The following SYCP1 variants were observed in gnomAD, a reference collection of about 807,000 sequenced individuals.
The protein encoded by SYCP1 is cancer/testis antigen 8.
A neutral mutation model predicts 153.1 loss-of-function variants in SYCP1; 64 were observed. The observed-to-expected ratio is 0.42, with a 90% CI of 0.34 to 0.51. SYCP1 has a LOEUF of 0.51. Ranked by LOEUF, SYCP1 falls within the 20% of genes least tolerant of loss-of-function variation. The pLI is 0.06. For missense variants in SYCP1, 997 were observed against 1,049.0 expected (o/e 0.95, Z 0.68); for synonymous variants, 384 against 341.8 (o/e 1.12, Z -1.36).
At chr1:114,926,155 G>A (rs947266505) in intron 21 of SYCP1, 123 bp from the exon 22 acceptor site, 3 of 647,778 alleles carry the variant, frequency 4.6e-6, no homozygotes, top group African/African-American at 1.9e-5. Context: ...TTATATTAAT[G>A]GAATTACCAT....
At chr1:114,863,274 G>A (rs1664500065) in intron 8 of SYCP1, among the ~76,000 whole-genome samples, 1 of 102,566 alleles carries the variant, frequency 9.7e-6, no homozygotes, top group Non-Finnish European at 2.1e-5. Flanking sequence ...GTGTTCCTAG[G>A]CCAGGCACAG....
intron 8 of SYCP1, among the ~76,000 whole-genome samples, chr1:114,862,408 G>T (rs1664439856): frequency 6.6e-6 from 1 of 151,186 alleles, no homozygotes; most frequent in Admixed American, 6.6e-5. Flanking sequence ...GAGTGCAGTG[G>T]CACAATCTCG....
Position 114,857,088 on chromosome 1 carries a change from G to T in SYCP1, c.194-144G>T, listed in dbSNP as rs1664019242. The T allele has an allele frequency of 5.1e-6, 3 of 587,992 alleles. No individual in the cohort carries two copies. In the East Asian group the frequency reaches 9.3e-5, roughly 18 times the overall value. The allele number at this position is 587,992 out of a possible 1,614,324, so 36.4% of individuals were successfully genotyped here. ...TTGAGGCTGCAGTGAGCCATGATGG[G>T]TCACTGCCCTCTAGTCTAGGCAATA... On this transcript the variant is annotated intron_variant, in intron 3 of 31. Transcript: ENST00000369522.
chr1:114,922,342 A>C (rs964374946), intron 20 of SYCP1, among the ~76,000 whole-genome samples: 3 of 152,082 alleles, frequency 2.0e-5, no homozygotes, highest in African/African-American at 7.2e-5. Context: ...ATAAAGAAAT[A>C]CCTGAGACTG....
rs1674176510 is a variant in SYCP1, at chr1:114,994,903, C to T, written c.2815C>T (p.Pro939Ser). 6.3e-7 allele frequency: 1 copy of T among 1,599,852 alleles called. No homozygotes were observed. The highest frequency in any genetic ancestry group is 8.5e-7 in the Non-Finnish European group (1 of 1,173,762). ...PKKAPSSLTTPGSTLKFGAIR... is the reference protein window; with the variant it reads ...PKKAPSSLTTSGSTLKFGAIR... ...TCAGGCCCCTTCATCTCTAACAACC[C>T]CTGGATCTACACTGAAGTTTGGAGC... Residue 939 changes from proline (P) to serine (S), a missense_variant, in exon 32 of 32, where the codon CCT becomes TCT. Around this residue, in one of 2 missense-constraint regions of SYCP1, gnomAD observed 712 missense variants for 682.9 expected, o/e 1.04. Coordinates refer to ENST00000369522, the MANE Select transcript of SYCP1 (RefSeq NM_003176.4).
At position 114,904,318 on chromosome 1, in the gene SYCP1, G is replaced by A. The variant is rs192736063; in HGVS notation, c.1321-6079G>A. Among the ~76,000 whole-genome samples the A allele has an allele frequency of 2.0e-3, 308 of 151,926 alleles. 1 individual carries two copies. Among genetic ancestry groups the A allele is most frequent in the African/African-American group, 6.3e-3 (261 of 41,460 alleles). On this transcript the variant is annotated intron_variant, in intron 16 of 31. Transcript: ENST00000369522. ...TTTTTAGTAGAGATGGGGTTTCACC[G>A]TGTTAGCCAGGATGGTCTCGATCTC... is the stretch of plus-strand genomic sequence containing the variant.
chr1:114,975,462 A>G (rs1311132978), intron 27 of SYCP1, among the ~76,000 whole-genome samples: 2 of 137,102 alleles, frequency 1.5e-5, no homozygotes, highest in Non-Finnish European at 3.2e-5. Flanking sequence ...CCTGTTTCAT[A>G]TTGCCCTACA....
At chr1:114,936,583 T>C (rs1039182578) in intron 23 of SYCP1, among the ~76,000 whole-genome samples, 5 of 152,158 alleles carry the variant, frequency 3.3e-5, no homozygotes. Flanking sequence ...AAATAAAGGC[T>C]ATTCAATTAG....
In SYCP1 at chr1:114,995,290, T is replaced by A. The variant is rs993492936; in HGVS notation, c.*271T>A. ...TGTTTTTACTAAGTTTTCAAATTTG[T>A]AAAGTTAGCCTTTGAATGCTAAGAA... On this transcript the variant is annotated 3_prime_UTR_variant, in exon 32 of 32. Coordinates refer to ENST00000369522, the MANE Select transcript of SYCP1 (RefSeq NM_003176.4). The A allele has an allele frequency of 2.1e-5, 5 of 236,394 alleles. 1 individual carries two copies. Among genetic ancestry groups the A allele is most frequent in the Non-Finnish European group, 3.3e-5 (4 of 122,686 alleles). 14.6% of individuals were successfully genotyped at this position (236,394 alleles called of 1,614,324 possible).
intron 30 of SYCP1, among the ~76,000 whole-genome samples, chr1:114,985,836 T>C (rs1325111106): frequency 6.6e-6 from 1 of 151,608 alleles, no homozygotes; most frequent in African/African-American, 2.4e-5. Context: ...AATTCCAGCC[T>C]TTAGAAATAC....
At chr1:114,882,809 G>A (rs914258757) in intron 12 of SYCP1, among the ~76,000 whole-genome samples, 4 of 152,134 alleles carry the variant, frequency 2.6e-5, no homozygotes, top group African/African-American at 4.8e-5. Context: ...CAGCTTGAAC[G>A]CTTGGGGTGT....
At chr1:114,864,905 C>T (rs552497412) in intron 8 of SYCP1, among the ~76,000 whole-genome samples, 55 of 152,030 alleles carry the variant, frequency 3.6e-4, no homozygotes, top group African/African-American at 1.3e-3. Context: ...GGTACATGTG[C>T]ACAATGTGCA....
chr1:114,922,761 T>A (rs370695815), intron 20 of SYCP1, among the ~76,000 whole-genome samples: 1 of 152,246 alleles, frequency 6.6e-6, no homozygotes, highest in South Asian at 2.1e-4. Context: ...GCCTTCCAAA[T>A]AGTCCCCCAG....
chr1:114,898,433 C>A (rs1031418688), intron 16 of SYCP1, among the ~76,000 whole-genome samples: 3 of 152,044 alleles, frequency 2.0e-5, no homozygotes, highest in Non-Finnish European at 4.4e-5. Flanking sequence ...ATCATCTGTC[C>A]GGATTTGCAA....
intron 16 of SYCP1, among the ~76,000 whole-genome samples, chr1:114,909,576 G>A (rs1300217570): frequency 6.7e-6 from 1 of 148,944 alleles, no homozygotes; most frequent in East Asian, 2.0e-4. Context: ...GTTTATAGAA[G>A]TTTTCAGTGG....
intron 16 of SYCP1, among the ~76,000 whole-genome samples, chr1:114,909,571 TAGA>T (rs1404869195): frequency 6.6e-6 from 1 of 150,956 alleles, no homozygotes; most frequent in Non-Finnish European, 1.5e-5. Context: ...CCAGAGTTTA[TAGA>T]AGTTTTCAGT....
At chr1:114,953,310 T>C (rs1235429326) in intron 27 of SYCP1, among the ~76,000 whole-genome samples, 2 of 152,264 alleles carry the variant, frequency 1.3e-5, no homozygotes, top group Non-Finnish European at 2.9e-5. Flanking sequence ...AACAAGTTTT[T>C]AATCTTGATA....
chr1:114,933,062 T>C (rs1359830793), intron 23 of SYCP1, among the ~76,000 whole-genome samples: 4 of 152,144 alleles, frequency 2.6e-5, no homozygotes, highest in Non-Finnish European at 5.9e-5. Flanking sequence ...CCTCCCAGCA[T>C]GGAGTTTGAG....
chr1:114,879,639 T>C (rs1665781154), intron 12 of SYCP1, among the ~76,000 whole-genome samples: 1 of 152,224 alleles, frequency 6.6e-6, no homozygotes, highest in Non-Finnish European at 1.5e-5. Flanking sequence ...ATGAGTTCAA[T>C]AGTTGGATGA....
Sources: gnomAD v4.1 joint callset for allele counts (sites outside exome capture counted in the v4.1 genomes callset) on GRCh38, gnomAD v4.1.1 for gene constraint, gnomAD v4.1.1 regional missense constraint, MANE v1.5 for transcripts, NCBI Gene and HGNC (gene_info 2026-07-23, HGNC 2026-07-21) for gene names.